P3H1: variants seen among roughly 807,000 people sequenced by gnomAD.
P3H1 encodes prolyl 3-hydroxylase 1.
Under a neutral mutation model 84.0 loss-of-function variants are expected in P3H1, and 69 were observed. The observed-to-expected ratio is 0.82, with a 90% CI of 0.68 to 1.00. The LOEUF (loss-of-function observed/expected upper bound fraction) is 1.00. P3H1 is among the 50% of genes least tolerant of loss of function. The probability of loss-of-function intolerance (pLI) is 0.00; values close to 1 mark genes in which losing one functional copy is unlikely to be tolerated. For missense variants in P3H1, 878 were observed against 962.8 expected (o/e 0.91, Z 1.17); for synonymous variants, 366 against 388.8 (o/e 0.94, Z 0.69).
Position 42,754,993 on chromosome 1 carries a change from A to G in P3H1, c.1224-3T>C, listed in dbSNP as rs749521313. ...GTACGGCTGTTTCCCGTTCTGACCT[A>G]TGAGCACAGCCGCTCTGAGGACTGC... On this transcript the variant is annotated splice_region_variant and splice_polypyrimidine_tract_variant and intron_variant, in intron 7 of 14. Transcript: ENST00000296388. This position sits in a 1 kb window ranked among gnomAD's most constrained non-coding sequence, Gnocchi z 4.0. 4 of 1,614,134 alleles carry G rather than the reference A, an allele frequency of 2.5e-6. No individual in the cohort carries two copies. Among genetic ancestry groups the G allele is most frequent in the Non-Finnish European group, 3.4e-6 (4 of 1,180,028 alleles).
chr1:42,766,464 C>A, intron 1 of P3H1, 43 bp downstream of exon 1: 1 of 1,523,580 alleles, frequency 6.6e-7, no homozygotes, highest in South Asian at 1.2e-5. Context: ...ACACTCCTCT[C>A]CCCAGAAGGA....
At chr1:42,746,998 G>C in intron 14 of P3H1, 146 bp from the exon 15 acceptor site, 1 of 1,614,178 alleles carries the variant, frequency 6.2e-7, no homozygotes, top group Non-Finnish European at 8.5e-7. Flanking sequence ...CTCTGGAAAA[G>C]GACAGCTGAA....
chr1:42,752,795 G>T, intron 8 of P3H1, 131 bp from the exon 9 acceptor site: 4 of 1,164,382 alleles, frequency 3.4e-6, no homozygotes, highest in Non-Finnish European at 5.0e-6. Flanking sequence ...TCTCCCGCTA[G>T]GTCATTTTCA....
rs370773974 is a variant in P3H1, at chr1:42,766,645, G to A, written c.327C>T (p.Phe109=). The change falls in exon 1 of 15, where the codon TTC becomes TTT. Residue 109 remains phenylalanine, a synonymous_variant. Transcript: ENST00000296388. The part of the protein sequence containing the change: ...SGAAALRDLS[F]FGGLLRRAAC... ...CAGCGCGACGCAGAAGGCCCCCGAA[G>A]AAGCTCAGGTCGCGCAGGGCGGCGG... The A allele has an allele frequency of 2.1e-4, 330 of 1,580,212 alleles. No homozygotes were observed. In the East Asian group the frequency reaches 4.5e-3, roughly 21 times the overall value.
intron 14 of P3H1, 146 bp from the exon 15 acceptor site, chr1:42,746,998 G>A (rs1188327030): frequency 6.2e-7 from 1 of 1,614,178 alleles, no homozygotes; most frequent in East Asian, 2.2e-5. Flanking sequence ...CTCTGGAAAA[G>A]GACAGCTGAA....
chr1:42,755,051 T>C, intron 7 of P3H1, 61 bp from the exon 8 acceptor site: 6 of 1,614,036 alleles, frequency 3.7e-6, no homozygotes, highest in Non-Finnish European at 5.1e-6. Context: ...CCACCCCGAC[T>C]TCCCAAACTG....
chr1:42,762,056 A>G (rs1309133750), intron 2 of P3H1: 2 of 422,618 alleles, frequency 4.7e-6, no homozygotes, highest in African/African-American at 2.0e-5. Flanking sequence ...CATTTCTACA[A>G]TGTTATACAA....
At chr1:42,751,391 A>G (rs1293314188) in intron 10 of P3H1, among the ~76,000 whole-genome samples, 4 of 113,946 alleles carry the variant, frequency 3.5e-5, no homozygotes, top group Non-Finnish European at 7.1e-5. Flanking sequence ...AAGAGTCATC[A>G]CCACTCCCTA....
At position 42,766,540 on chromosome 1, in the gene P3H1, G is replaced by T; in HGVS notation, c.432C>A (p.Ser144Arg). 1.2e-6 allele frequency: 2 copies of T among 1,612,122 alleles called. No individual in the cohort carries two copies. Among genetic ancestry groups the T allele is most frequent in the African/African-American group, 1.3e-5 (1 of 75,044 alleles). The change falls in exon 1 of 15, where the codon AGC becomes AGA. Residue 144 changes from serine (S) to arginine (R), a missense_variant. Ser to Arg is a moderately radical substitution (Grantham distance 110). Coordinates refer to ENST00000296388, the MANE Select transcript of P3H1 (RefSeq NM_022356.4). The stretch of plus-strand genomic sequence containing the variant: ...AGGCGACCTGCAGGTAGTTGTAGGG[G>T]CTCCGCTTGCGGAACTCCAGCTCCA... Reference protein sequence around the residue: ...EEMELEFRKRSPYNYLQVAYF... With the variant: ...EEMELEFRKRRPYNYLQVAYF...
intron 2 of P3H1, 118 bp downstream of exon 2, chr1:42,762,205 A>C: frequency 9.9e-7 from 1 of 1,009,924 alleles, no homozygotes; most frequent in South Asian, 1.3e-5. Flanking sequence ...CGGGAATTTG[A>C]GGTTACAGTG....
intron 1 of P3H1, among the ~76,000 whole-genome samples, chr1:42,764,517 A>C (rs1374681311): frequency 6.6e-6 from 1 of 152,100 alleles, no homozygotes; most frequent in Non-Finnish European, 1.5e-5. Context: ...GCAGTAGACA[A>C]GATACTTAAA....
At chr1:42,763,107 A>G (rs1201205676) in intron 1 of P3H1, among the ~76,000 whole-genome samples, 1 of 151,972 alleles carries the variant, frequency 6.6e-6, no homozygotes, top group Non-Finnish European at 1.5e-5. Context: ...ATACATATAT[A>G]TATTTCATGA....
intron 11 of P3H1, chr1:42,749,920 G>C: frequency 2.0e-6 from 1 of 503,896 alleles, no homozygotes; most frequent in South Asian, 2.1e-5. Context: ...CCATTAAAGT[G>C]CGTTGTGTGA....
chr1:42,760,780 G>C (rs1396793175), intron 2 of P3H1: 2 of 152,052 alleles, frequency 1.3e-5, no homozygotes, highest in African/African-American at 4.8e-5. Context: ...TCAGGCTCCT[G>C]AGTAGCTGGG....
rs1356821838 is a variant in P3H1 at position 42,766,733 on chromosome 1, G to A, written c.239C>T (p.Ala80Val). 1.9e-6 allele frequency: 3 copies of A among 1,571,128 alleles called. No individual in the cohort carries two copies. The highest frequency in any genetic ancestry group is 2.6e-6 in the Non-Finnish European group (3 of 1,159,050). ...GTCCAGCTCCCACGGGAAGTCGGCG[G>A]CACACTGGGTGCGGCAGCGCAGGCG... ...ALRLRCRTQC[A>V]ADFPWELDPD... The change falls in exon 1 of 15, where the codon GCC becomes GTC. Residue 80 changes from alanine (A) to valine (V), a missense_variant. Coordinates refer to ENST00000296388, the MANE Select transcript of P3H1 (RefSeq NM_022356.4).
chr1:42,762,138 A>G (rs1652751134), intron 2 of P3H1, 185 bp downstream of exon 2: 2 of 598,522 alleles, frequency 3.3e-6, no homozygotes, highest in African/African-American at 3.7e-5. Flanking sequence ...AAACAAAAGA[A>G]TGCATGCCTG....
rs763373396 is a variant in P3H1, at chr1:42,754,967, C to T, written c.1247G>A (p.Arg416His). ...KQKSERETAV[R>H]ISQEIGNLMK... ...AAGGTTCCCAATCTCCTGGGAGATG[C>T]GTACGGCTGTTTCCCGTTCTGACCT... Residue 416 changes from arginine to histidine, a missense_variant, in exon 8 of 15, where the codon CGC becomes CAC. Coordinates refer to ENST00000296388, the MANE Select transcript of P3H1 (RefSeq NM_022356.4). The surrounding 1 kb of genome is among the most constrained non-coding windows in gnomAD (Gnocchi z 4.0). The T allele has an allele frequency of 5.6e-6, 9 of 1,614,066 alleles. No individual in the cohort carries two copies. The highest frequency in any genetic ancestry group is 3.3e-5 in the Admixed American group (2 of 60,006).
intron 2 of P3H1, chr1:42,760,338 T>TTTTTG (rs1025987363): frequency 2.6e-5 from 4 of 151,950 alleles, no homozygotes; most frequent in African/African-American, 9.7e-5. Flanking sequence ...CACAACTTAC[T>TTTTTG]TTTTGTTTTG....
Position 42,754,925 on chromosome 1 carries a change from G to T in P3H1, c.1289C>A (p.Thr430Asn), listed in dbSNP as rs1652304784. ...EIGNLMKEIE[T>N]LVEEKTKESL... is the part of the protein sequence containing the mutation. ...CTCCTTGGTCTTCTCTTCCACAAGG[G>T]TCTCGATTTCCTTCATAAGGTTCCC... Residue 430 changes from threonine to asparagine, a missense_variant, in exon 8 of 15, where the codon ACC becomes AAC. Physicochemically the swap from Thr to Asn is moderately conservative, Grantham distance 65. Coordinates refer to ENST00000296388, the MANE Select transcript of P3H1 (RefSeq NM_022356.4). This position sits in a 1 kb window ranked among gnomAD's most constrained non-coding sequence, Gnocchi z 4.0. 1 of 1,614,152 alleles carries T rather than the reference G, an allele frequency of 6.2e-7. No homozygotes were observed. Among genetic ancestry groups the T allele is most frequent in the Non-Finnish European group, 8.5e-7 (1 of 1,180,030 alleles).
Sources: allele counts gnomAD v4.1 joint callset (sites outside exome capture counted in the v4.1 genomes callset), GRCh38; gene constraint gnomAD v4.1.1; non-coding constraint Gnocchi (gnomAD v3.1); transcripts MANE v1.5; gene names NCBI Gene and HGNC (gene_info 2026-07-23, HGNC 2026-07-21).